Variants in SLC12A6 observed in about 807,000 individuals in gnomAD.
SLC12A6 encodes K-Cl cotransporter 3.
SLC12A6 carries 66 observed loss-of-function variants against 135.3 expected under a neutral mutation model. That is an observed-to-expected ratio of 0.49 (90% CI 0.40 to 0.60). The LOEUF is 0.60. Ranked by LOEUF, SLC12A6 falls within the 20% of genes least tolerant of loss-of-function variation. The pLI, the probability that SLC12A6 is intolerant of heterozygous loss-of-function variation, is 0.00. For missense variants in SLC12A6, 1,058 were observed against 1,452.3 expected (o/e 0.73, Z 4.41); for synonymous variants, 513 against 508.8 (o/e 1.01, Z -0.11).
intron 2 of SLC12A6, among the ~76,000 whole-genome samples, chr15:34,319,462 A>G (rs1381262616): frequency 6.6e-6 from 1 of 151,878 alleles, no homozygotes; most frequent in Non-Finnish European, 1.5e-5. Flanking sequence ...TCATTTTTAT[A>G]CTGTCCTCTT....
intron 22 of SLC12A6, 66 bp downstream of exon 22, chr15:34,237,353 A>ATT: frequency 2.0e-6 from 3 of 1,492,908 alleles, no homozygotes; most frequent in Non-Finnish European, 2.8e-6. Context: ...ACCAGAAAAG[A>ATT]TTCAAGGAAG....
chr15:34,248,230 G>A (rs549308863), intron 13 of SLC12A6, among the ~76,000 whole-genome samples: 1 of 151,762 alleles, frequency 6.6e-6, no homozygotes, highest in Non-Finnish European at 1.5e-5. Flanking sequence ...CCAGGTTTTG[G>A]CTATTAAGAA....
intron 2 of SLC12A6, among the ~76,000 whole-genome samples, chr15:34,327,550 C>G (rs142335287): frequency 6.6e-6 from 1 of 152,078 alleles, no homozygotes; most frequent in Non-Finnish European, 1.5e-5. Context: ...CCCAGCTACT[C>G]AGGAGGCTGA....
intron 13 of SLC12A6, among the ~76,000 whole-genome samples, chr15:34,246,435 G>A (rs77886918): frequency 0.056 from 8,484 of 152,060 alleles, 286 homozygotes; most frequent in Non-Finnish European, 0.073. Flanking sequence ...GAAAAATCGC[G>A]ATCTCACTGC....
chr15:34,302,887 C>T (rs1342734495), intron 2 of SLC12A6, among the ~76,000 whole-genome samples: 1 of 144,788 alleles, frequency 6.9e-6, no homozygotes, highest in East Asian at 2.0e-4. Context: ...GAGGCTGAGG[C>T]TGCAATGAGC....
chr15:34,231,823 C>G lies in SLC12A6; in HGVS notation c.*2058G>C, dbSNP rs1890971015. 6.6e-6 allele frequency: 1 copy of G among 152,162 alleles called. No homozygotes were observed. The highest frequency in any genetic ancestry group is 2.1e-4 in the South Asian group (1 of 4,832). 9.4% of individuals were successfully genotyped at this position (152,162 alleles called of 1,614,324 possible). A position where few individuals can be genotyped will look rare whatever the true frequency, so the allele number is the denominator to read the frequency against. Reference sequence around the variant, plus strand: ...CCAGGATGGTCTCAAATCTCCTGACCTCGTGATCCGCCTGCCTCGGCCTCC... The same window carrying G: ...CCAGGATGGTCTCAAATCTCCTGACGTCGTGATCCGCCTGCCTCGGCCTCC... On this transcript the variant is annotated 3_prime_UTR_variant, in exon 26 of 26. Transcript: ENST00000354181.
At chr15:34,260,695 A>G (rs1462572827) in intron 4 of SLC12A6, among the ~76,000 whole-genome samples, 2 of 152,266 alleles carry the variant, frequency 1.3e-5, no homozygotes, top group African/African-American at 4.8e-5. Context: ...GGTAATCTAT[A>G]TGTCCAAGAA....
chr15:34,306,683 T>C (rs141620508), intron 2 of SLC12A6, among the ~76,000 whole-genome samples: 1 of 152,206 alleles, frequency 6.6e-6, no homozygotes, highest in African/African-American at 2.4e-5. Flanking sequence ...CAGTCCTGTT[T>C]ACAGACTAAT....
intron 25 of SLC12A6, 21 bp from the exon 26 acceptor site, chr15:34,233,993 A>G (rs759464363): frequency 9.9e-6 from 13 of 1,310,376 alleles, no homozygotes; most frequent in Non-Finnish European, 1.4e-5. Context: ...TGTCAAGGAG[A>G]CAGGCAAAAG....
At chr15:34,274,330 A>G (rs1022011335) in intron 3 of SLC12A6, among the ~76,000 whole-genome samples, 3 of 152,248 alleles carry the variant, frequency 2.0e-5, no homozygotes, top group East Asian at 3.8e-4. Flanking sequence ...ACAAAAATTT[A>G]TAATTAAAAA....
intron 4 of SLC12A6, among the ~76,000 whole-genome samples, chr15:34,260,217 TA>T (rs887627666): frequency 1.3e-5 from 2 of 151,914 alleles, no homozygotes; most frequent in Admixed American, 1.3e-4. Context: ...ATTTGACAAT[TA>T]AAAAAAAGGA....
chr15:34,319,774 G>A (rs971199228), intron 2 of SLC12A6, among the ~76,000 whole-genome samples: 3 of 150,586 alleles, frequency 2.0e-5, no homozygotes, highest in Non-Finnish European at 2.9e-5. Context: ...ACTCCAGCCT[G>A]AGCGACAGAG....
chr15:34,308,988 TA>T (rs1202571523), intron 2 of SLC12A6, among the ~76,000 whole-genome samples: 3 of 152,194 alleles, frequency 2.0e-5, no homozygotes, highest in African/African-American at 7.2e-5. Context: ...GTCACTTAAA[TA>T]ATCTTCCTAA....
chr15:34,271,346 A>G (rs1167564615), intron 3 of SLC12A6, among the ~76,000 whole-genome samples: 1 of 151,128 alleles, frequency 6.6e-6, no homozygotes, highest in Non-Finnish European at 1.5e-5. Context: ...AGGATTGTAG[A>G]TATGTTCCTA....
chr15:34,318,226 T>A (rs1168013628), intron 2 of SLC12A6, among the ~76,000 whole-genome samples: 2 of 152,232 alleles, frequency 1.3e-5, no homozygotes, highest in Admixed American at 6.5e-5. Context: ...TTTCCAGATA[T>A]AATCTAAACT....
At chr15:34,306,345 C>A (rs945829683) in intron 2 of SLC12A6, among the ~76,000 whole-genome samples, 1 of 151,706 alleles carries the variant, frequency 6.6e-6, no homozygotes, top group South Asian at 2.1e-4. Flanking sequence ...CATATGCCAG[C>A]CACAGGGATG....
intron 2 of SLC12A6, among the ~76,000 whole-genome samples, chr15:34,330,129 T>G (rs959211658): frequency 1.3e-5 from 2 of 152,218 alleles, no homozygotes; most frequent in African/African-American, 4.8e-5. Flanking sequence ...TCAATTGTTT[T>G]ATGCACATCA....
chr15:34,298,107 AG>A (rs1205482144), intron 2 of SLC12A6, among the ~76,000 whole-genome samples: 1 of 152,188 alleles, frequency 6.6e-6, no homozygotes, highest in African/African-American at 2.4e-5. Flanking sequence ...TTTGCTCTCA[AG>A]AAGTTCAGAG....
At chr15:34,253,162 C>T (rs1047950322) in intron 9 of SLC12A6, among the ~76,000 whole-genome samples, 2 of 152,142 alleles carry the variant, frequency 1.3e-5, no homozygotes, top group East Asian at 1.9e-4. Flanking sequence ...CTAAAATTTG[C>T]AAAATGATTG....
Sources: gnomAD v4.1 joint callset for allele counts (sites outside exome capture counted in the v4.1 genomes callset) on GRCh38, gnomAD v4.1.1 for gene constraint, MANE v1.5 for transcripts, NCBI Gene and HGNC (gene_info 2026-07-23, HGNC 2026-07-21) for gene names.